ASXL1: variants seen among roughly 807,000 people sequenced by gnomAD.
The protein encoded by ASXL1 is polycomb group protein ASXL1.
A neutral mutation model predicts 89.1 loss-of-function variants in ASXL1; 65 were observed. That is an observed-to-expected ratio of 0.73 (90% confidence interval 0.60 to 0.90). ASXL1 has a LOEUF of 0.90. Among genes scored for constraint, ASXL1 ranks in the 40% least tolerant of loss-of-function variants. The pLI is 0.00. For synonymous variants in ASXL1, 739 were observed against 746.9 expected (o/e 0.99, Z 0.17); for missense variants, 1,786 against 1,942.9 (o/e 0.92, Z 1.52).
At chr20:32,428,651 T>TA in intron 6 of ASXL1, 2 of 340,532 alleles carry the variant, frequency 5.9e-6, no homozygotes, top group Non-Finnish European at 5.3e-6. Context: ...TTTTGTTCAT[T>TA]CTTTTTTTTT....
At chr20:32,406,495 G>C (rs1018239240) in intron 4 of ASXL1, among the ~76,000 whole-genome samples, 4 of 152,168 alleles carry the variant, frequency 2.6e-5, no homozygotes, top group Admixed American at 2.6e-4. Flanking sequence ...AGGCTACAGC[G>C]AGCCGAGATT....
At position 32,435,762 on chromosome 20, in the gene ASXL1, A is replaced by C. The variant is rs545071926; in HGVS notation, c.3050A>C (p.Asp1017Ala). 1 of 1,614,222 alleles carries C rather than the reference A, an allele frequency of 6.2e-7. No homozygotes were observed. The highest frequency in any genetic ancestry group is 2.2e-5 in the East Asian group (1 of 44,892). ...CTCACGGAGGACAGCAGTGAGGCTG[A>C]CACTAGAGAAGCTGCAGTGACAAAG... The part of the protein sequence containing the change: ...GHLTEDSSEA[D>A]TREAAVTKGS... Residue 1017 changes from aspartate to alanine, a missense_variant, in exon 13 of 13, where the codon GAC becomes GCC. By Grantham distance (126) the Asp-to-Ala change is moderately radical (BLOSUM62 -2). Around this residue, in one of 3 missense-constraint regions of ASXL1, gnomAD observed 1,418 missense variants for 1,427.8 expected, o/e 0.99. Coordinates refer to ENST00000375687, the MANE Select transcript of ASXL1 (RefSeq NM_015338.6).
chr20:32,435,348 A>G lies in ASXL1; in HGVS notation c.2636A>G (p.Asp879Gly). 6.2e-7 allele frequency: 1 copy of G among 1,614,192 alleles called. No individual in the cohort carries two copies. The highest frequency in any genetic ancestry group is 8.5e-7 in the Non-Finnish European group (1 of 1,180,018). ...TCATGCCCTCCTATGAGGGAAAGTG[A>G]TACTAGACAAGAAAACTTGAAAACC... ...GGSCPPMRES[D>G]TRQENLKTKA... The change falls in exon 13 of 13, where the codon GAT becomes GGT. Residue 879 changes from aspartate to glycine, a missense_variant. Asp to Gly is a moderately conservative substitution (Grantham distance 94). Transcript: ENST00000375687.
intron 4 of ASXL1, among the ~76,000 whole-genome samples, chr20:32,384,457 A>C (rs192189185): frequency 3.1e-4 from 47 of 152,116 alleles, no homozygotes; most frequent in African/African-American, 9.6e-4. Flanking sequence ...CGGCCTCCCA[A>C]AGTGCTAGGA....
rs1443938586 is a variant in ASXL1, at chr20:32,437,210, G to C, written c.4498G>C (p.Glu1500Gln). 1 of 1,613,586 alleles carries C rather than the reference G, an allele frequency of 6.2e-7. No homozygotes were observed. The highest frequency in any genetic ancestry group is 8.5e-7 in the Non-Finnish European group (1 of 1,179,508). Residue 1500 changes from glutamate (E) to glutamine (Q), a missense_variant, in exon 13 of 13, where the codon GAA becomes CAA. Coordinates refer to ENST00000375687, the MANE Select transcript of ASXL1 (RefSeq NM_015338.6). ...AATGTTCACTGACAGCAGCACGGTG[G>C]AAAGCATCTCGCTCCAGTGTGCGTG... ...LQMFTDSSTV[E>Q]SISLQCACSL...
chr20:32,426,268 A>G (rs1374834301), intron 4 of ASXL1, among the ~76,000 whole-genome samples: 2 of 152,150 alleles, frequency 1.3e-5, no homozygotes, highest in African/African-American at 4.8e-5. Flanking sequence ...TTTTTATGCC[A>G]TTTTTACTTT....
chr20:32,411,041 A>G (rs1461285431), intron 4 of ASXL1, among the ~76,000 whole-genome samples: 1 of 41,610 alleles, frequency 2.4e-5, no homozygotes, highest in Non-Finnish European at 7.2e-5. Context: ...CAAAAAAAAA[A>G]AAAAATAAAA....
intron 1 of ASXL1, among the ~76,000 whole-genome samples, chr20:32,361,087 A>G (rs1037221626): frequency 6.6e-6 from 1 of 152,008 alleles, no homozygotes; most frequent in African/African-American, 2.4e-5. Context: ...ATACATGTGA[A>G]AAAGGATTTG....
At chr20:32,383,390 T>C (rs1424640318) in intron 4 of ASXL1, among the ~76,000 whole-genome samples, 2 of 151,960 alleles carry the variant, frequency 1.3e-5, no homozygotes, top group African/African-American at 4.8e-5. Context: ...CACTGCAAGC[T>C]CTGCCTCCCG....
intron 1 of ASXL1, among the ~76,000 whole-genome samples, chr20:32,362,565 G>A (rs1245373537): frequency 6.6e-6 from 1 of 152,248 alleles, no homozygotes; most frequent in Non-Finnish European, 1.5e-5. Context: ...GAACGCGGGA[G>A]GCGGAGCTTG....
intron 4 of ASXL1, among the ~76,000 whole-genome samples, chr20:32,414,852 G>C (rs938900674): frequency 3.3e-5 from 5 of 152,078 alleles, no homozygotes; most frequent in African/African-American, 7.2e-5. Flanking sequence ...TTTCCAGGAG[G>C]AGAAATCCTT....
chr20:32,404,238 C>T (rs1013639828), intron 4 of ASXL1, among the ~76,000 whole-genome samples: 1 of 152,218 alleles, frequency 6.6e-6, no homozygotes, highest in South Asian at 2.1e-4. Flanking sequence ...CTTTTAGCTC[C>T]CACATAGGAG....
intron 4 of ASXL1, among the ~76,000 whole-genome samples, chr20:32,378,195 T>TGTGTGTGTGTGTGTG (rs1569255451): frequency 2.4e-4 from 36 of 147,362 alleles, no homozygotes; most frequent in African/African-American, 8.2e-4. Flanking sequence ...TGTGTGTGTG[T>TGTGTGTGTGTGTGTG]TTTAATAGAG....
chr20:32,435,271 G>T lies in ASXL1; in HGVS notation c.2559G>T (p.Pro853=), dbSNP rs777169553. The change falls in exon 13 of 13, where the codon CCG becomes CCT. Residue 853 remains proline, a synonymous_variant. Coordinates refer to ENST00000375687, the MANE Select transcript of ASXL1 (RefSeq NM_015338.6). ...VTPSSTPESS[P]TDCLQNRAFD... is the part of the protein sequence containing the mutation. ...CCAGTTCCACACCTGAATCCTCACC[G>T]ACTGATTGCCTGCAGAACAGAGCAT... is the stretch of plus-strand genomic sequence containing the variant. 1 of 1,614,104 alleles carries T rather than the reference G, an allele frequency of 6.2e-7. No individual in the cohort carries two copies. The highest frequency in any genetic ancestry group is 1.1e-5 in the South Asian group (1 of 91,068).
intron 4 of ASXL1, among the ~76,000 whole-genome samples, chr20:32,391,256 C>CA (rs1179695016): frequency 6.6e-6 from 1 of 152,134 alleles, no homozygotes. Flanking sequence ...TTTGCGTATT[C>CA]ATTCTTCAGT....
chr20:32,427,992 G>A (rs1405444124), intron 4 of ASXL1, 136 bp from the exon 5 acceptor site: 3 of 1,257,768 alleles, frequency 2.4e-6, no homozygotes, highest in Non-Finnish European at 3.4e-6. Context: ...CTGAGAAAAA[G>A]GTCAGTTAGA....
At chr20:32,395,673 T>C (rs1005154426) in intron 4 of ASXL1, among the ~76,000 whole-genome samples, 3 of 152,250 alleles carry the variant, frequency 2.0e-5, no homozygotes, top group African/African-American at 7.2e-5. Flanking sequence ...ACTGTTATGT[T>C]TTTTAGTCAT....
Position 32,358,805 on chromosome 20 carries a change from G to A in ASXL1, c.30G>A (p.Glu10=). MKDKQKKKK[E]RTWAEAARLV... ...AGGACAAACAGAAGAAGAAGAAGGA[G>A]CGCACGTGGGCCGAGGCCGCGCGCC... The change falls in exon 1 of 13, where the codon GAG becomes GAA. Residue 10 remains glutamate, a synonymous_variant. Coordinates refer to ENST00000375687, the MANE Select transcript of ASXL1 (RefSeq NM_015338.6). 6.6e-7 allele frequency: 1 copy of A among 1,508,434 alleles called. No individual in the cohort carries two copies. The highest frequency in any genetic ancestry group is 8.9e-7 in the Non-Finnish European group (1 of 1,127,384). The allele number at this position is 1,508,434 out of a possible 1,614,324, so 93.4% of individuals were successfully genotyped here.
chr20:32,384,993 G>T (rs962654288), intron 4 of ASXL1, among the ~76,000 whole-genome samples: 2 of 151,640 alleles, frequency 1.3e-5, no homozygotes, highest in African/African-American at 2.4e-5. Context: ...ACTTTTCTTT[G>T]GGTCAGCCAG....
Sources: allele counts gnomAD v4.1 joint callset (sites outside exome capture counted in the v4.1 genomes callset), GRCh38; gene constraint gnomAD v4.1.1; regional missense constraint gnomAD v4.1.1; transcripts MANE v1.5; gene names NCBI Gene and HGNC (gene_info 2026-07-23, HGNC 2026-07-21).